Variants in HYOU1 observed in about 807,000 individuals in gnomAD.
The protein encoded by HYOU1 is hypoxia up-regulated 1, also known as hypoxia up-regulated protein 1.
A neutral mutation model predicts 120.5 loss-of-function variants in HYOU1; 40 were observed. The ratio of observed to expected loss-of-function variants is 0.33; its 90% confidence interval spans 0.26 to 0.43. The LOEUF (loss-of-function observed/expected upper bound fraction) is 0.43. HYOU1 is among the 20% of genes least tolerant of loss of function. The pLI is 1.00. For synonymous variants in HYOU1, 501 were observed against 479.4 expected, an observed-to-expected ratio of 1.05 and a Z score of -0.59; for missense variants, 1,085 against 1,278.3, an observed-to-expected ratio of 0.85 and a Z score of 2.31.
In HYOU1 at chr11:119,048,313, TCTC is replaced by T. The variant is rs2133562694; in HGVS notation, c.2308_2310del (p.Glu770del). The T allele has an allele frequency of 4.3e-6, 7 of 1,610,768 alleles. No homozygotes were observed. The highest frequency in any genetic ancestry group is 1.7e-5 in the Admixed American group (1 of 60,002). ...GATGCGGCGCTGAGCTTCCCAGAGA[TCTC>T]CTCACGCTGCTCCTCTGTGGACACT... is the stretch of plus-strand genomic sequence containing the variant. On this transcript the variant is annotated inframe_deletion, in exon 20 of 26. Transcript: ENST00000617285. The surrounding 1 kb of genome is among the most constrained non-coding windows in gnomAD (Gnocchi z 4.7).
chr11:119,054,450 G>A, intron 7 of HYOU1, 44 bp downstream of exon 7: 3 of 1,595,416 alleles, frequency 1.9e-6, no homozygotes, highest in Non-Finnish European at 2.6e-6. Context: ...TCCATCCTTA[G>A]ATTCAGTCAC....
In HYOU1 at chr11:119,051,264, G is replaced by A; in HGVS notation, c.1527-91C>T. The A allele has an allele frequency of 6.4e-7, 1 of 1,558,824 alleles. No homozygotes were observed. The highest frequency in any genetic ancestry group is 1.2e-5 in the South Asian group (1 of 85,418). On this transcript the variant is annotated intron_variant, in intron 13 of 25. Coordinates refer to ENST00000617285, the MANE Select transcript of HYOU1 (RefSeq NM_006389.5). This position sits in a 1 kb window ranked among gnomAD's most constrained non-coding sequence, Gnocchi z 4.2. ...TGGCCTCCTGGCACAAGGTGTCAGG[G>A]GCACTCCCCAAGGGCACACTCAAGA...
chr11:119,055,660 G>C lies in HYOU1; in HGVS notation c.186-89C>G. ...ACACACATTTAACCACTCAGATGCC[G>C]AAGTCTGCTGTGGGCACTATGACTA... On this transcript the variant is annotated intron_variant, in intron 3 of 25. Coordinates refer to ENST00000617285, the MANE Select transcript of HYOU1 (RefSeq NM_006389.5). The surrounding 1 kb of genome is among the most constrained non-coding windows in gnomAD (Gnocchi z 4.0). 1 of 1,494,056 alleles carries C rather than the reference G, an allele frequency of 6.7e-7. No individual in the cohort carries two copies. Among genetic ancestry groups the C allele is most frequent in the Non-Finnish European group, 9.3e-7 (1 of 1,070,866 alleles). The allele number at this position is 1,494,056 out of a possible 1,614,324, so 92.5% of individuals were successfully genotyped here. A position where few individuals can be genotyped will look rare whatever the true frequency, so the allele number is the denominator to read the frequency against.
intron 16 of HYOU1, 175 bp from the exon 17 acceptor site, chr11:119,049,378 G>C: frequency 6.4e-7 from 1 of 1,559,988 alleles, no homozygotes; most frequent in Non-Finnish European, 8.6e-7. Flanking sequence ...CATCTGCAAT[G>C]AGGGGAATGG....
intron 22 of HYOU1, among the ~76,000 whole-genome samples, 167 bp from the exon 23 acceptor site, chr11:119,046,969 G>T (rs1035646651): frequency 6.6e-6 from 1 of 152,186 alleles, no homozygotes; most frequent in Admixed American, 6.5e-5. Context: ...GGGTATTAAA[G>T]GTTCTCCACA....
In HYOU1 at chr11:119,048,577, G is replaced by T. The variant is rs2133565483; in HGVS notation, c.2166-14C>A. On this transcript the variant is annotated splice_polypyrimidine_tract_variant and intron_variant, in intron 18 of 25. Coordinates refer to ENST00000617285, the MANE Select transcript of HYOU1 (RefSeq NM_006389.5). This position sits in a 1 kb window ranked among gnomAD's most constrained non-coding sequence, Gnocchi z 4.7. ...AAGTCCTGAAGTCTATGGGACAAAG[G>T]AGGGGTAGGGATGAGGGAGAGGGCA... is the stretch of plus-strand genomic sequence containing the variant. 1 of 1,613,620 alleles carries T rather than the reference G, an allele frequency of 6.2e-7. No homozygotes were observed. Among genetic ancestry groups the T allele is most frequent in the Non-Finnish European group, 8.5e-7 (1 of 1,179,732 alleles).
Position 119,045,053 on chromosome 11 carries a change from G to C in HYOU1, c.*540C>G, listed in dbSNP as rs1358448042. The C allele has an allele frequency of 1.1e-5, 5 of 439,724 alleles. No homozygotes were observed. The highest frequency in any genetic ancestry group is 1.0e-4 in the African/African-American group (5 of 49,808). 27.2% of individuals were successfully genotyped at this position (439,724 alleles called of 1,614,324 possible). On this transcript the variant is annotated 3_prime_UTR_variant, in exon 26 of 26. Transcript: ENST00000617285. ...AGGGGGAAAGGAGCTGGATGGGAAT[G>C]GGGAAGGGAGGCTCAGAGCAAGAGA...
At chr11:119,056,281 A>G (rs1359157716) in intron 1 of HYOU1, 114 bp from the exon 2 acceptor site, 1 of 775,260 alleles carries the variant, frequency 1.3e-6, no homozygotes, top group Non-Finnish European at 2.2e-6. Context: ...ATTCTTACCC[A>G]GGGCAGATCA....
At chr11:119,049,985 T>C in intron 14 of HYOU1, 148 bp from the exon 15 acceptor site, 2 of 734,376 alleles carry the variant, frequency 2.7e-6, no homozygotes, top group Non-Finnish European at 4.8e-6. Flanking sequence ...TGGAGGTGGC[T>C]GCCCATCTCC....
intron 22 of HYOU1, 149 bp from the exon 23 acceptor site, chr11:119,046,951 C>G: frequency 2.0e-6 from 2 of 1,013,818 alleles, no homozygotes; most frequent in Non-Finnish European, 2.8e-6. Context: ...CTAACAGACT[C>G]CTCAGAAGGG....
chr11:119,047,153 CA>C, intron 22 of HYOU1: 1 of 215,926 alleles, frequency 4.6e-6, no homozygotes, highest in Non-Finnish European at 9.3e-6. Context: ...CTCCTGGGTT[CA>C]AAAGATTCTC....
rs2133593218 is a variant in HYOU1 at position 119,052,471 on chromosome 11, C to T, written c.988-42G>A. The T allele has an allele frequency of 4.4e-4, 717 of 1,613,718 alleles. 1 individual carries two copies. The highest frequency in any genetic ancestry group is 5.9e-4 in the Non-Finnish European group (691 of 1,179,902). On this transcript the variant is annotated intron_variant, in intron 9 of 25. Coordinates refer to ENST00000617285, the MANE Select transcript of HYOU1 (RefSeq NM_006389.5). This position sits in a 1 kb window ranked among gnomAD's most constrained non-coding sequence, Gnocchi z 5.0. ...ACTGTCAGGGGGTTCTTGCCCAGCT[C>T]CCGCTCTCTTGGTGAGTAGGACAGA...
At chr11:119,049,299 G>C (rs2133571866) in intron 16 of HYOU1, 96 bp from the exon 17 acceptor site, 5 of 1,575,062 alleles carry the variant, frequency 3.2e-6, no homozygotes, top group Middle Eastern at 1.7e-4. Flanking sequence ...GTTCCATACA[G>C]GTGACTGCTG....
chr11:119,047,401 C>A (rs2133556562), intron 22 of HYOU1: 1 of 297,466 alleles, frequency 3.4e-6, no homozygotes, highest in Admixed American at 4.9e-5. Flanking sequence ...AGAGTCCCCA[C>A]ACATCCAAAA....
At position 119,047,807 on chromosome 11, in the gene HYOU1, A is replaced by T; in HGVS notation, c.2522T>A (p.Leu841His). Residue 841 changes from leucine (L) to histidine (H), a missense_variant, in exon 22 of 26, where the codon CTC becomes CAC. By Grantham distance (99) the Leu-to-His change is moderately conservative. Around this residue, in one of 4 missense-constraint regions of HYOU1, gnomAD observed 516 missense variants for 517.1 expected, o/e 1.00. Transcript: ENST00000617285. Reference sequence around the variant, plus strand: ...GAAGATCTGGTCCATCTCTGGGATGAGCCGGGCCCCCCTGGAAGCCAGAAA... The same window carrying T: ...GAAGATCTGGTCCATCTCTGGGATGTGCCGGGCCCCCCTGGAAGCCAGAAA... The part of the protein sequence containing the change: ...HSSMFLKGAR[L>H]IPEMDQIFTE... 1 of 1,613,850 alleles carries T rather than the reference A, an allele frequency of 6.2e-7. No individual in the cohort carries two copies. Among genetic ancestry groups the T allele is most frequent in the Non-Finnish European group, 8.5e-7 (1 of 1,179,960 alleles).
chr11:119,045,496 G>T lies in HYOU1; in HGVS notation c.*97C>A, dbSNP rs181046821. On this transcript the variant is annotated 3_prime_UTR_variant, in exon 26 of 26. Transcript: ENST00000617285. ...CAGGGGTGAGAAAGGAACTCCAGCC[G>T]AGGGCAGGACCAACCCCTCCCCCAA... 1 of 1,059,340 alleles carries T rather than the reference G, an allele frequency of 9.4e-7. No homozygotes were observed. Among genetic ancestry groups the T allele is most frequent in the South Asian group, 1.3e-5 (1 of 79,988 alleles). 65.6% of individuals were successfully genotyped at this position (1,059,340 alleles called of 1,614,324 possible). A position where few individuals can be genotyped will look rare whatever the true frequency, so the allele number is the denominator to read the frequency against.
chr11:119,048,680 C>A lies in HYOU1; in HGVS notation c.2165+34G>T, dbSNP rs1404798910. 6.2e-7 allele frequency: 1 copy of A among 1,606,614 alleles called. No homozygotes were observed. Among genetic ancestry groups the A allele is most frequent in the East Asian group, 2.2e-5 (1 of 44,816 alleles). On this transcript the variant is annotated intron_variant, in intron 18 of 25. Transcript: ENST00000617285. The surrounding 1 kb of genome is among the most constrained non-coding windows in gnomAD (Gnocchi z 4.7). ...CCACATCCTGCCCACCTTGCACACA[C>A]ATGTACACACACACACCAGCTGTCC...
chr11:119,046,369 T>C (rs2133549388), intron 24 of HYOU1, 48 bp downstream of exon 24: 4 of 1,592,190 alleles, frequency 2.5e-6, no homozygotes, highest in Non-Finnish European at 3.4e-6. Context: ...TGCCTACCCC[T>C]GGGCTAATGC....
rs2133546988 is a variant in HYOU1, at chr11:119,046,070, C to T, written c.2888-239G>A. On this transcript the variant is annotated intron_variant, in intron 24 of 25. Coordinates refer to ENST00000617285, the MANE Select transcript of HYOU1 (RefSeq NM_006389.5). Reference sequence around the variant, plus strand: ...TCTGCCTCCCAGGTTCAAGTGTTCTCCTGCCTCAGCCTCCTGAGTAGCTGG... The same window carrying T: ...TCTGCCTCCCAGGTTCAAGTGTTCTTCTGCCTCAGCCTCCTGAGTAGCTGG... Among the ~76,000 whole-genome samples the T allele has an allele frequency of 2.6e-5, 4 of 152,254 alleles. No homozygotes were observed. The East Asian group carries it at 7.7e-4, about 29-fold the overall frequency.
Sources: allele counts gnomAD v4.1 joint callset (sites outside exome capture counted in the v4.1 genomes callset), GRCh38; gene constraint gnomAD v4.1.1; regional missense constraint gnomAD v4.1.1; non-coding constraint Gnocchi (gnomAD v3.1); transcripts MANE v1.5; gene names NCBI Gene and HGNC (gene_info 2026-07-23, HGNC 2026-07-21).